Variants in MAP9 observed in about 807,000 individuals in gnomAD.
The protein encoded by MAP9 is microtubule associated protein 9.
Under a neutral mutation model 75.2 loss-of-function variants are expected in MAP9, and 80 were observed. That is an observed-to-expected ratio of 1.06 (90% confidence interval 0.89 to 1.28). The LOEUF (loss-of-function observed/expected upper bound fraction) is 1.28. Ranked by LOEUF, MAP9 falls within the 50% of genes most tolerant of loss-of-function variation. The pLI is 0.00. For synonymous variants in MAP9, 235 were observed against 237.3 expected, an observed-to-expected ratio of 0.99 and a Z score of 0.09; for missense variants, 753 against 719.9, an observed-to-expected ratio of 1.05 and a Z score of -0.53.
intron 5 of MAP9, among the ~76,000 whole-genome samples, chr4:155,365,613 AAATAAT>A (rs1220393661): frequency 1.3e-5 from 2 of 152,114 alleles, no homozygotes; most frequent in African/African-American, 4.8e-5. Context: ...GGCCATTTAG[AAATAAT>A]AATAATAATT....
At chr4:155,360,523 T>C in intron 6 of MAP9, 108 bp from the exon 7 acceptor site, 1 of 1,067,088 alleles carries the variant, frequency 9.4e-7, no homozygotes, top group Non-Finnish European at 1.3e-6. Context: ...AACTCTTTTT[T>C]CTTGCAAAAT....
At chr4:155,368,528 T>C (rs781421252) in intron 5 of MAP9, 58 bp downstream of exon 5, 12 of 1,336,488 alleles carry the variant, frequency 9.0e-6, no homozygotes, top group Non-Finnish European at 1.2e-5. Context: ...TTTTTCATAA[T>C]CAGATAAAAA....
At chr4:155,362,376 T>A in intron 5 of MAP9, 1 of 359,360 alleles carries the variant, frequency 2.8e-6, no homozygotes, top group Non-Finnish European at 4.9e-6. Context: ...TTATTCAAGT[T>A]CTTTAACTAC....
rs1281204765 is a variant in MAP9 at position 155,360,354 on chromosome 4, A to G, written c.864T>C (p.Asn288=). 8.1e-6 allele frequency: 13 copies of G among 1,612,578 alleles called. No homozygotes were observed. The highest frequency in any genetic ancestry group is 1.0e-5 in the Non-Finnish European group (12 of 1,179,144). ...TAGTCACATGGTCTGCTGAAAATGA[A>G]TTCTCTTTATTTTCATCTGATTTCA... is the stretch of plus-strand genomic sequence containing the variant. ...NSLKSDENKE[N]SFSADHVTTA... Residue 288 remains asparagine (N), a synonymous_variant, in exon 7 of 14, where the codon AAT becomes AAC. Transcript: ENST00000311277.
chr4:155,368,197 A>G lies in MAP9; in HGVS notation c.708+389T>C, dbSNP rs140727660. 2.2e-3 allele frequency: 667 copies of G among 299,272 alleles called. 3 individuals are homozygous for G. Among genetic ancestry groups the G allele is most frequent in the South Asian group, 3.5e-3 (38 of 10,758 alleles). The allele number at this position is 299,272 out of a possible 1,614,324, so 18.5% of individuals were successfully genotyped here. On this transcript the variant is annotated intron_variant, in intron 5 of 13. Transcript: ENST00000311277. ...GACACTGACTATATTGTTCTTAGCC[A>G]TAAATTACATAATTCAAAGATACAT...
intron 7 of MAP9, among the ~76,000 whole-genome samples, chr4:155,358,028 G>A (rs577561098): frequency 6.6e-6 from 1 of 152,282 alleles, no homozygotes; most frequent in South Asian, 2.1e-4. Flanking sequence ...GAGATCACTA[G>A]GCAGCGATGA....
Position 155,345,287 on chromosome 4 carries a change from G to A in MAP9, c.*2496C>T, listed in dbSNP as rs1461940796. 1 of 151,908 alleles carries A rather than the reference G, an allele frequency of 6.6e-6. No homozygotes were observed. The highest frequency in any genetic ancestry group is 1.5e-5 in the Non-Finnish European group (1 of 67,922). The allele number at this position is 151,908 out of a possible 1,614,324, so 9.4% of individuals were successfully genotyped here. ...GGTTGCTGTAAACAGGAAATAATAT[G>A]TTATTTATCATAGTAAGACAAAAAA... On this transcript the variant is annotated 3_prime_UTR_variant, in exon 14 of 14. Coordinates refer to ENST00000311277, the MANE Select transcript of MAP9 (RefSeq NM_001039580.2).
chr4:155,351,909 C>T (rs1175163544), intron 13 of MAP9, among the ~76,000 whole-genome samples: 2 of 151,788 alleles, frequency 1.3e-5, no homozygotes, highest in Non-Finnish European at 2.9e-5. Flanking sequence ...AATGTGTTAC[C>T]TACTTATGTA....
At chr4:155,355,587 G>A in intron 9 of MAP9, 129 bp downstream of exon 9, 1 of 632,036 alleles carries the variant, frequency 1.6e-6, no homozygotes, top group Non-Finnish European at 2.3e-6. Context: ...GTATTAAAAG[G>A]AAACTCTTTC....
chr4:155,357,181 A>G, intron 8 of MAP9: 2 of 355,828 alleles, frequency 5.6e-6, no homozygotes, highest in Non-Finnish European at 1.0e-5. Flanking sequence ...AAATATTCCT[A>G]GGACGATCCT....
chr4:155,372,734 T>A (rs1213132855), intron 4 of MAP9, among the ~76,000 whole-genome samples: 1 of 152,210 alleles, frequency 6.6e-6, no homozygotes, highest in African/African-American at 2.4e-5. Flanking sequence ...AGTCTCAATA[T>A]TGCTGTAACT....
At chr4:155,374,577 A>T (rs1043730398) in intron 3 of MAP9, among the ~76,000 whole-genome samples, 3 of 152,158 alleles carry the variant, frequency 2.0e-5, no homozygotes, top group Non-Finnish European at 4.4e-5. Flanking sequence ...GTTCTGTGGG[A>T]CTAGTTACTA....
chr4:155,347,824 A>G lies in MAP9; in HGVS notation c.1903T>C (p.Trp635Arg). The G allele has an allele frequency of 3.1e-6, 5 of 1,610,896 alleles. No homozygotes were observed. Among genetic ancestry groups the G allele is most frequent in the Non-Finnish European group, 4.2e-6 (5 of 1,178,236 alleles). ...AACACAGTTCTGCTTGGAGGGCTCC[A>G]CGGAGGAAGTGCCTCACTTTCAAGA... ...SFLESEALPP[W>R]SPPSRTVFAK... Residue 635 changes from tryptophan (W) to arginine (R), a missense_variant, in exon 14 of 14, where the codon TGG (tryptophan) becomes CGG (arginine). Physicochemically the swap from Trp to Arg is moderately radical, Grantham distance 101. Coordinates refer to ENST00000311277, the MANE Select transcript of MAP9 (RefSeq NM_001039580.2).
chr4:155,360,451 T>C (rs1296823534), intron 6 of MAP9, 36 bp from the exon 7 acceptor site: 1 of 1,574,444 alleles, frequency 6.4e-7, no homozygotes, highest in South Asian at 1.1e-5. Flanking sequence ...TAAAACCCCC[T>C]TCTGAATTAA....
intron 4 of MAP9, among the ~76,000 whole-genome samples, chr4:155,372,214 A>G (rs1261953534): frequency 6.6e-6 from 1 of 152,172 alleles, no homozygotes; most frequent in Non-Finnish European, 1.5e-5. Flanking sequence ...CAGTTCCCCA[A>G]TACATGCCTG....
chr4:155,360,562 C>A (rs1732028412), intron 6 of MAP9, 147 bp from the exon 7 acceptor site: 3 of 752,688 alleles, frequency 4.0e-6, no homozygotes, highest in Admixed American at 6.2e-5. Context: ...ATTAAACTTG[C>A]ATAAACTCTT....
At position 155,347,820 on chromosome 4, in the gene MAP9, C is replaced by T. The variant is rs751083715; in HGVS notation, c.1907G>A (p.Ser636Asn). Residue 636 changes from serine to asparagine, a missense_variant, in exon 14 of 14, where the codon AGC (serine) becomes AAC (asparagine). Ser to Asn is a conservative substitution (Grantham distance 46). Transcript: ENST00000311277. Reference protein sequence around the residue: ...FLESEALPPWSPPSRTVFAKV... With the variant: ...FLESEALPPWNPPSRTVFAKV... ...TGCGAACACAGTTCTGCTTGGAGGG[C>T]TCCACGGAGGAAGTGCCTCACTTTC... is the stretch of plus-strand genomic sequence containing the variant. 6.2e-7 allele frequency: 1 copy of T among 1,610,664 alleles called. No individual in the cohort carries two copies. Among genetic ancestry groups the T allele is most frequent in the Admixed American group, 1.7e-5 (1 of 59,740 alleles).
intron 10 of MAP9, among the ~76,000 whole-genome samples, chr4:155,354,763 C>A (rs907891509): frequency 6.6e-6 from 1 of 152,152 alleles, no homozygotes. Flanking sequence ...CAGTACCTGG[C>A]CTTCTTGGTT....
rs1007934527 is a variant in MAP9 at position 155,346,387 on chromosome 4, A to G, written c.*1396T>C. On this transcript the variant is annotated 3_prime_UTR_variant, in exon 14 of 14. Coordinates refer to ENST00000311277, the MANE Select transcript of MAP9 (RefSeq NM_001039580.2). The stretch of plus-strand genomic sequence containing the variant: ...TAACAATACATGATTTTAGGCTCTA[A>G]AAGTTAAAACGTGTTTGTAACGTTG... The G allele has an allele frequency of 6.6e-5, 10 of 152,194 alleles. No individual in the cohort carries two copies. Among genetic ancestry groups the G allele is most frequent in the Admixed American group, 1.3e-4 (2 of 15,260 alleles). The allele number at this position is 152,194 out of a possible 1,614,324, so 9.4% of individuals were successfully genotyped here.
Sources: allele counts gnomAD v4.1 joint callset (sites outside exome capture counted in the v4.1 genomes callset), GRCh38; gene constraint gnomAD v4.1.1; transcripts MANE v1.5; gene names NCBI Gene and HGNC (gene_info 2026-07-23, HGNC 2026-07-21).